Variants in SCP2 observed in about 807,000 individuals in gnomAD.
The protein encoded by SCP2 is SCP-2/3-oxoacyl-CoA thiolase.
A neutral mutation model predicts 71.4 loss-of-function variants in SCP2; 48 were observed. The observed-to-expected ratio is 0.67, with a 90% confidence interval of 0.53 to 0.86. The LOEUF is 0.86. Ranked by LOEUF, SCP2 falls within the 40% of genes least tolerant of loss-of-function variation. The pLI is 0.00. For missense variants in SCP2, 560 were observed against 655.6 expected, an observed-to-expected ratio of 0.85 and a Z score of 1.59; for synonymous variants, 220 against 218.1, an observed-to-expected ratio of 1.01 and a Z score of -0.08.
chr1:52,984,369 A>G (rs1015884924), intron 10 of SCP2, among the ~76,000 whole-genome samples: 1 of 151,798 alleles, frequency 6.6e-6, no homozygotes, highest in Non-Finnish European at 1.5e-5. Context: ...GCTTTTATTT[A>G]CTTTTCAGAG....
chr1:52,944,856 A>G (rs1168927037), intron 2 of SCP2, among the ~76,000 whole-genome samples: 1 of 151,850 alleles, frequency 6.6e-6, no homozygotes, highest in Non-Finnish European at 1.5e-5. Flanking sequence ...CCTGTTGTCC[A>G]GGCTGGTCTT....
At chr1:53,037,904 A>ACACACCCC (rs1553155265) in intron 13 of SCP2, among the ~76,000 whole-genome samples, 15 of 127,428 alleles carry the variant, frequency 1.2e-4, no homozygotes, top group African/African-American at 4.6e-4. Context: ...ACACACACAC[A>ACACACCCC]CACACACACA....
intron 11 of SCP2, chr1:52,993,271 C>T (rs1333443633): frequency 1.2e-6 from 2 of 1,614,152 alleles, no homozygotes; most frequent in African/African-American, 1.3e-5. Flanking sequence ...GACATTCCTG[C>T]TCTTGAAATT....
chr1:53,005,154 G>A (rs12562238), intron 11 of SCP2, among the ~76,000 whole-genome samples: 1 of 152,056 alleles, frequency 6.6e-6, no homozygotes, highest in Non-Finnish European at 1.5e-5. Context: ...GCCCATCGCA[G>A]CTCAACGAGG....
At chr1:52,985,499 T>G (rs1358763178) in intron 10 of SCP2, among the ~76,000 whole-genome samples, 2 of 152,180 alleles carry the variant, frequency 1.3e-5, no homozygotes, top group African/African-American at 2.4e-5. Context: ...ACAGCATCGT[T>G]TCTCATTTAT....
rs1172738915 is a variant in SCP2 at position 52,988,151 on chromosome 1, A to T, written c.1081+15A>T. ...AGGCGCTACAGGTAATGCTACATAC[A>T]GATTTCATACATTTTAAAATCATTT... On this transcript the variant is annotated intron_variant, in intron 11 of 15. Transcript: ENST00000371514. 2.4e-6 allele frequency: 3 copies of T among 1,230,152 alleles called. No individual in the cohort carries two copies. Among genetic ancestry groups the T allele is most frequent in the Admixed American group, 3.4e-5 (2 of 59,348 alleles). The allele number at this position is 1,230,152 out of a possible 1,614,324, so 76.2% of individuals were successfully genotyped here. A position where few individuals can be genotyped will look rare whatever the true frequency, so the allele number is the denominator to read the frequency against.
chr1:52,961,693 A>C (rs1572095372), intron 6 of SCP2, 64 bp downstream of exon 6: 2 of 1,415,314 alleles, frequency 1.4e-6, no homozygotes, highest in East Asian at 2.3e-5. Flanking sequence ...GAGAAATGAC[A>C]GTTATTTATT....
intron 6 of SCP2, among the ~76,000 whole-genome samples, chr1:52,974,409 C>T (rs1657764875): frequency 6.6e-6 from 1 of 152,104 alleles, no homozygotes; most frequent in Non-Finnish European, 1.5e-5. Flanking sequence ...GTAAAATTCT[C>T]TCAGTCTAGC....
intron 11 of SCP2, among the ~76,000 whole-genome samples, chr1:53,013,137 G>C (rs553587873): frequency 7.1e-6 from 1 of 140,820 alleles, no homozygotes; most frequent in Non-Finnish European, 1.5e-5. Context: ...TTTGAGACAG[G>C]GTCTCCCCCT....
At chr1:52,947,116 T>A (rs1198113310) in intron 2 of SCP2, among the ~76,000 whole-genome samples, 1 of 146,662 alleles carries the variant, frequency 6.8e-6, no homozygotes, top group African/African-American at 2.5e-5. Context: ...GTGTGGTGAC[T>A]CATGTCTCTT....
Position 52,927,297 on chromosome 1 carries a change from C to A in SCP2, c.-100C>A. 2 of 1,050,738 alleles carry A rather than the reference C, an allele frequency of 1.9e-6. No individual in the cohort carries two copies. The highest frequency in any genetic ancestry group is 2.7e-5 in the South Asian group (2 of 74,090). 65.1% of individuals were successfully genotyped at this position (1,050,738 alleles called of 1,614,324 possible). The stretch of plus-strand genomic sequence containing the variant: ...TCTCACGCGCCTGTGTTGCCGCCCG[C>A]GGCCCTGGCTTCGGGCTTCAGGGAG... On this transcript the variant is annotated 5_prime_UTR_variant, in exon 1 of 16. Transcript: ENST00000371514.
intron 12 of SCP2, among the ~76,000 whole-genome samples, chr1:53,022,610 C>A (rs1174088351): frequency 6.6e-6 from 1 of 152,172 alleles, no homozygotes; most frequent in East Asian, 1.9e-4. Context: ...GTGCCAGGAC[C>A]ACACTAGGCG....
intron 5 of SCP2, among the ~76,000 whole-genome samples, chr1:52,958,412 G>A (rs958543497): frequency 1.3e-5 from 2 of 151,942 alleles, no homozygotes; most frequent in Non-Finnish European, 2.9e-5. Flanking sequence ...TGTATTTTTA[G>A]TAGAGACGGG....
At chr1:52,997,096 A>G (rs1659986763) in intron 11 of SCP2, among the ~76,000 whole-genome samples, 1 of 152,242 alleles carries the variant, frequency 6.6e-6, no homozygotes, top group Non-Finnish European at 1.5e-5. Flanking sequence ...AGCATTATTC[A>G]TAATAGTCAA....
intron 11 of SCP2, chr1:52,994,448 A>C (rs1473839659): frequency 4.7e-6 from 1 of 211,502 alleles, no homozygotes; most frequent in East Asian, 1.8e-4. Flanking sequence ...TATTTTTGTC[A>C]TGCCATCCAC....
chr1:53,003,463 G>A (rs1466274508), intron 11 of SCP2, among the ~76,000 whole-genome samples: 3 of 152,174 alleles, frequency 2.0e-5, no homozygotes, highest in Admixed American at 2.0e-4. Flanking sequence ...AAAGCAATCT[G>A]CCCATGTTGG....
intron 10 of SCP2, among the ~76,000 whole-genome samples, chr1:52,981,079 C>T (rs1261261833): frequency 6.6e-6 from 1 of 152,004 alleles, no homozygotes; most frequent in Non-Finnish European, 1.5e-5. Context: ...TTACAGGCAC[C>T]TGCCAACACG....
intron 5 of SCP2, among the ~76,000 whole-genome samples, chr1:52,958,232 GT>G (rs71579952): frequency 0.029 from 4,147 of 141,448 alleles, 65 homozygotes; most frequent in Non-Finnish European, 0.042. Flanking sequence ...TTTTTCACAA[GT>G]TTTTTTTTTT....
intron 6 of SCP2, among the ~76,000 whole-genome samples, chr1:52,967,762 G>A (rs893647437): frequency 2.0e-5 from 3 of 152,176 alleles, no homozygotes; most frequent in Non-Finnish European, 4.4e-5. Flanking sequence ...GAGCAGGGAG[G>A]CAGAGGTAAC....
Sources: allele counts gnomAD v4.1 joint callset (sites outside exome capture counted in the v4.1 genomes callset), GRCh38; gene constraint gnomAD v4.1.1; transcripts MANE v1.5; gene names NCBI Gene and HGNC (gene_info 2026-07-23, HGNC 2026-07-21).